The following CNOT2 variants were observed in gnomAD, a reference collection of about 807,000 sequenced individuals.
The protein encoded by CNOT2 is CCR4-NOT transcription complex subunit 2.
CNOT2 carries 7 observed loss-of-function variants against 72.1 expected under a neutral mutation model. That is an observed-to-expected ratio of 0.10 (90% CI 0.06 to 0.18). CNOT2 has a LOEUF of 0.18. Ranked by LOEUF, CNOT2 falls within the 10% of genes least tolerant of loss-of-function variation. The pLI is 1.00. For synonymous variants in CNOT2, 196 were observed against 225.6 expected (o/e 0.87, Z 1.17); for missense variants, 345 against 660.3 (o/e 0.52, Z 5.23).
intron 7 of CNOT2, among the ~76,000 whole-genome samples, chr12:70,334,010 A>G (rs1339257615): frequency 6.6e-6 from 1 of 151,950 alleles, no homozygotes; most frequent in Non-Finnish European, 1.5e-5. Flanking sequence ...TATTTTTTAA[A>G]TTCTGTTTTA....
intron 1 of CNOT2, among the ~76,000 whole-genome samples, chr12:70,255,229 T>C (rs1345589337): frequency 6.6e-6 from 1 of 152,188 alleles, no homozygotes; most frequent in East Asian, 1.9e-4. Context: ...CTTTGGGGTA[T>C]TCCCATTTTT....
At chr12:70,309,851 A>C (rs1470778697) in intron 2 of CNOT2, among the ~76,000 whole-genome samples, 2 of 152,124 alleles carry the variant, frequency 1.3e-5, no homozygotes, top group Non-Finnish European at 2.9e-5. Context: ...TTTAAAAATA[A>C]TTAAAAATTA....
At chr12:70,345,104 A>G (rs1016030071) in intron 14 of CNOT2, 46 of 152,304 alleles carry the variant, frequency 3.0e-4, no homozygotes, top group African/African-American at 1.1e-3. Flanking sequence ...TCGTTACTCA[A>G]ATGTACAGTT....
Position 70,344,176 on chromosome 12 carries a change from C to A in CNOT2, c.1339C>A (p.Leu447Ile). Residue 447 changes from leucine (L) to isoleucine (I), a missense_variant, in exon 14 of 16, where the codon CTC (leucine) becomes ATC (isoleucine). By Grantham distance (5) the Leu-to-Ile change is conservative. This residue lies in a region of CNOT2 where 53 missense variants were observed against 153.4 expected (regional missense o/e 0.35). Transcript: ENST00000229195. ...GRYGEDLLFY[L>I]YYMNGGDVLQ... Reference sequence around the variant, plus strand: ...ATATGGTGAAGACCTTCTCTTCTATCTCTATTACATGAATGGAGGAGACGT... The same window carrying A: ...ATATGGTGAAGACCTTCTCTTCTATATCTATTACATGAATGGAGGAGACGT... 6.2e-7 allele frequency: 1 copy of A among 1,612,820 alleles called. No homozygotes were observed. Among genetic ancestry groups the A allele is most frequent in the Non-Finnish European group, 8.5e-7 (1 of 1,179,270 alleles).
intron 11 of CNOT2, 116 bp downstream of exon 11, chr12:70,338,938 C>G (rs1472498521): frequency 2.4e-6 from 2 of 827,866 alleles, no homozygotes; most frequent in Non-Finnish European, 3.8e-6. Context: ...CCTGCTGATT[C>G]TCTGGGTCAT....
rs148139441 is a variant in CNOT2 at position 70,297,685 on chromosome 12, T to C, written c.49-13210T>C. 476 of 291,540 alleles carry C rather than the reference T, an allele frequency of 1.6e-3. 13 individuals are homozygous for C. In the East Asian group the frequency reaches 0.048, roughly 29 times the overall value. 18.1% of individuals were successfully genotyped at this position (291,540 alleles called of 1,614,324 possible). On this transcript the variant is annotated intron_variant, in intron 2 of 15. Transcript: ENST00000229195. ...TGGGAACATGGAAACCAGGTATATA[T>C]AGCTTTTAGTAGTTATTTCTACTTA...
intron 2 of CNOT2, among the ~76,000 whole-genome samples, chr12:70,303,533 T>C (rs538060699): frequency 6.6e-6 from 1 of 152,372 alleles, no homozygotes; most frequent in South Asian, 2.1e-4. Flanking sequence ...TTAAGAATGT[T>C]GAATATTGGT....
Position 70,283,812 on chromosome 12 carries a change from A to T in CNOT2, c.48+5538A>T, listed in dbSNP as rs564613081. 2.6e-5 allele frequency among the ~76,000 whole-genome samples: 4 copies of T among 152,054 alleles called. No individual in the cohort carries two copies. In the East Asian group the frequency reaches 7.8e-4, roughly 29 times the overall value. On this transcript the variant is annotated intron_variant, in intron 2 of 15. Coordinates refer to ENST00000229195, the MANE Select transcript of CNOT2 (RefSeq NM_014515.7). ...GACTTTTTATGTGCCCTTTACTTGC[A>T]TTTATACAGCTGCTTAAGATGAAGT...
chr12:70,331,690 AT>A, intron 6 of CNOT2: 1 of 151,914 alleles, frequency 6.6e-6, no homozygotes, highest in Admixed American at 6.6e-5. Context: ...TTAAACAAAA[AT>A]TTCCATTGAC....
intron 15 of CNOT2, among the ~76,000 whole-genome samples, chr12:70,352,902 A>G (rs1219920176): frequency 6.6e-6 from 1 of 152,032 alleles, no homozygotes; most frequent in East Asian, 1.9e-4. Context: ...GTGAGCTGCT[A>G]TCTAGTTTTC....
At chr12:70,310,783 A>G (rs1364218130) in intron 2 of CNOT2, 112 bp from the exon 3 acceptor site, 3 of 825,270 alleles carry the variant, frequency 3.6e-6, no homozygotes, top group Non-Finnish European at 3.8e-6. Context: ...TAGTTGATCA[A>G]TTTCTGTATC....
At chr12:70,315,947 CCT>C (rs1305699997) in intron 3 of CNOT2, among the ~76,000 whole-genome samples, 1 of 152,096 alleles carries the variant, frequency 6.6e-6, no homozygotes, top group Non-Finnish European at 1.5e-5. Context: ...CTGAATGCCC[CCT>C]CTCACTCCTA....
chr12:70,290,005 GCCATT>G (rs1871603686), intron 2 of CNOT2, among the ~76,000 whole-genome samples: 2 of 151,868 alleles, frequency 1.3e-5, no homozygotes, highest in East Asian at 3.9e-4. Context: ...TATAATAGAA[GCCATT>G]TGATCTTTGA....
chr12:70,262,974 A>G (rs945836702), intron 1 of CNOT2, among the ~76,000 whole-genome samples: 3 of 151,930 alleles, frequency 2.0e-5, no homozygotes, highest in African/African-American at 7.3e-5. Flanking sequence ...CACCCGGCCT[A>G]TTTTGCCTTT....
At chr12:70,258,041 A>AT (rs1399657471) in intron 1 of CNOT2, among the ~76,000 whole-genome samples, 2 of 152,130 alleles carry the variant, frequency 1.3e-5, no homozygotes, top group African/African-American at 4.8e-5. Flanking sequence ...AAAAACTTGT[A>AT]TTTTTTGGCT....
chr12:70,277,352 CTTT>C (rs1251690127), intron 1 of CNOT2, among the ~76,000 whole-genome samples: 4 of 151,996 alleles, frequency 2.6e-5, no homozygotes, highest in Non-Finnish European at 5.9e-5. Flanking sequence ...AGCTTCAGTG[CTTT>C]TTTTATTTTT....
intron 9 of CNOT2, chr12:70,337,960 G>A (rs77305407): frequency 0.1 from 29,229 of 282,646 alleles, 1,918 homozygotes; most frequent in Middle Eastern, 0.18. Context: ...GTGTGTGATG[G>A]GAGTTTATAT....
intron 1 of CNOT2, among the ~76,000 whole-genome samples, chr12:70,251,828 G>A (rs1445941305): frequency 6.6e-6 from 1 of 152,132 alleles, no homozygotes; most frequent in Non-Finnish European, 1.5e-5. Flanking sequence ...TTCCGTTACT[G>A]GGGTGGAATT....
At chr12:70,337,145 C>A in intron 8 of CNOT2, 1 of 283,684 alleles carries the variant, frequency 3.5e-6, no homozygotes, top group Non-Finnish European at 6.6e-6. Context: ...TTTTTAAGCA[C>A]CTACGCATGA....
Sources: allele counts gnomAD v4.1 joint callset (sites outside exome capture counted in the v4.1 genomes callset), GRCh38; gene constraint gnomAD v4.1.1; regional missense constraint gnomAD v4.1.1; transcripts MANE v1.5; gene names NCBI Gene and HGNC (gene_info 2026-07-23, HGNC 2026-07-21).